The following TLN2 variants were observed in gnomAD, a reference collection of about 807,000 sequenced individuals.
TLN2 encodes the protein talin-2.
Under a neutral mutation model 294.7 loss-of-function variants are expected in TLN2, and 118 were observed. The ratio of observed to expected loss-of-function variants is 0.40; its 90% CI spans 0.34 to 0.47. The LOEUF is 0.47. Ranked by LOEUF, TLN2 falls within the 20% of genes least tolerant of loss-of-function variation. TLN2 has a pLI of 0.84. For missense variants in TLN2, 3,083 were observed against 3,282.2 expected (o/e 0.94, Z 1.48); for synonymous variants, 1,431 against 1,304.5 (o/e 1.10, Z -2.09).
At chr15:62,407,822 T>G (rs938442893) in intron 1 of TLN2, among the ~76,000 whole-genome samples, 5 of 151,770 alleles carry the variant, frequency 3.3e-5, no homozygotes, top group African/African-American at 1.2e-4. Flanking sequence ...GGCTGAGGCA[T>G]GAGAATCGCT....
chr15:62,581,253 T>C (rs1253271191), intron 1 of TLN2, among the ~76,000 whole-genome samples: 1 of 152,218 alleles, frequency 6.6e-6, no homozygotes, highest in Non-Finnish European at 1.5e-5. Flanking sequence ...TTGTATAGTA[T>C]GTAGCCTTTT....
intron 28 of TLN2, among the ~76,000 whole-genome samples, chr15:62,735,190 T>C (rs2140953089): frequency 6.6e-6 from 1 of 152,344 alleles, no homozygotes; most frequent in East Asian, 1.9e-4. Flanking sequence ...GCACCAGGCT[T>C]CATCTGTGAA....
At chr15:62,568,175 TC>T in intron 1 of TLN2, among the ~76,000 whole-genome samples, 1 of 151,938 alleles carries the variant, frequency 6.6e-6, no homozygotes, top group South Asian at 2.1e-4. Flanking sequence ...ATGGTCCTTG[TC>T]CCAGTGTGGC....
chr15:62,611,519 T>C (rs1345099403), intron 2 of TLN2, among the ~76,000 whole-genome samples: 1 of 152,196 alleles, frequency 6.6e-6, no homozygotes, highest in African/African-American at 2.4e-5. Flanking sequence ...CTGGTGAACA[T>C]TTGGGGACTT....
intron 57 of TLN2, among the ~76,000 whole-genome samples, chr15:62,837,609 T>A (rs1337765887): frequency 6.6e-6 from 1 of 152,222 alleles, no homozygotes; most frequent in East Asian, 1.9e-4. Context: ...CCCTTATAAA[T>A]GACTCAGGAG....
intron 38 of TLN2, among the ~76,000 whole-genome samples, 171 bp from the exon 39 acceptor site, chr15:62,762,101 G>C (rs764038205): frequency 6.6e-6 from 1 of 152,208 alleles, no homozygotes; most frequent in Admixed American, 6.5e-5. Flanking sequence ...ACATGGGCTT[G>C]AGTCCCCGCC....
intron 1 of TLN2, among the ~76,000 whole-genome samples, chr15:62,530,720 A>G (rs1177240571): frequency 6.6e-6 from 1 of 152,232 alleles, no homozygotes; most frequent in African/African-American, 2.4e-5. Context: ...AAAAGATGTA[A>G]GAGAAGTTCT....
chr15:62,827,957 T>C (rs1048568), intron 54 of TLN2: 107,086 of 152,130 alleles, frequency 0.7, 39,312 homozygotes, highest in Non-Finnish European at 0.82. Context: ...AAAAGAAACA[T>C]GAGGAAAGGC....
intron 11 of TLN2, among the ~76,000 whole-genome samples, chr15:62,682,724 C>G (rs910173018): frequency 2.6e-5 from 4 of 152,114 alleles, no homozygotes; most frequent in Admixed American, 6.6e-5. Context: ...TCATCATGAT[C>G]TGCTACACCA....
Position 62,820,477 on chromosome 15 carries a change from T to C in TLN2, c.6878-9T>C. ...TATGAAGAATCACCTTCTTTTGGAC[T>C]GATTCTAGGAACAGAGTGGGTGGAT... On this transcript the variant is annotated splice_polypyrimidine_tract_variant and intron_variant, in intron 53 of 58. Transcript: ENST00000636159. The C allele has an allele frequency of 6.2e-7, 1 of 1,613,462 alleles. No homozygotes were observed. The highest frequency in any genetic ancestry group is 8.5e-7 in the Non-Finnish European group (1 of 1,179,654).
At chr15:62,456,783 G>T (rs2036507265) in intron 1 of TLN2, among the ~76,000 whole-genome samples, 1 of 152,152 alleles carries the variant, frequency 6.6e-6, no homozygotes, top group Non-Finnish European at 1.5e-5. Context: ...GGCCATTTCT[G>T]TTTCCTGGGG....
chr15:62,668,212 G>A (rs2054956162), intron 9 of TLN2, among the ~76,000 whole-genome samples: 1 of 152,016 alleles, frequency 6.6e-6, no homozygotes, highest in Non-Finnish European at 1.5e-5. Flanking sequence ...ATTTTACAAA[G>A]GAAATTTACA....
intron 33 of TLN2, among the ~76,000 whole-genome samples, chr15:62,749,826 C>T (rs754185284): frequency 6.6e-6 from 1 of 152,100 alleles, no homozygotes; most frequent in Non-Finnish European, 1.5e-5. Flanking sequence ...AGAGCCAGGC[C>T]CTATACCCAT....
chr15:62,462,815 C>T (rs1037602228), intron 1 of TLN2, among the ~76,000 whole-genome samples: 4 of 152,144 alleles, frequency 2.6e-5, no homozygotes, highest in African/African-American at 7.2e-5. Flanking sequence ...GGCCATTTCT[C>T]TTTCCCTCGT....
At chr15:62,398,829 C>T (rs1595719231) in intron 1 of TLN2, among the ~76,000 whole-genome samples, 1 of 152,254 alleles carries the variant, frequency 6.6e-6, no homozygotes, top group East Asian at 1.9e-4. Flanking sequence ...AGATTTGTAG[C>T]CTGACGCAGT....
chr15:62,638,785 T>C (rs1326634326), intron 3 of TLN2, among the ~76,000 whole-genome samples: 2 of 152,228 alleles, frequency 1.3e-5, no homozygotes, highest in Non-Finnish European at 2.9e-5. Flanking sequence ...AGGTACTTTA[T>C]TGTGAGCAAT....
chr15:62,441,910 C>T (rs2035564786), intron 1 of TLN2, among the ~76,000 whole-genome samples: 1 of 152,172 alleles, frequency 6.6e-6, no homozygotes, highest in South Asian at 2.1e-4. Flanking sequence ...GGAAGCTTCA[C>T]ACCCCTTCCC....
At chr15:62,732,316 G>C (rs778673523) in intron 28 of TLN2, among the ~76,000 whole-genome samples, 3 of 152,172 alleles carry the variant, frequency 2.0e-5, no homozygotes, top group Non-Finnish European at 4.4e-5. Flanking sequence ...AAACAGCCTA[G>C]AAGTAGCCCC....
Position 62,531,260 on chromosome 15 carries a change from C to A in TLN2, c.-237-58427C>A, listed in dbSNP as rs1274667464. Among the ~76,000 whole-genome samples the A allele has an allele frequency of 2.0e-5, 3 of 152,164 alleles. No homozygotes were observed. The East Asian group carries it at 5.8e-4, about 29-fold the overall frequency. On this transcript the variant is annotated intron_variant, in intron 1 of 58. Transcript: ENST00000636159. ...ATTCAGCCTTAAAAAAGAAATTTGT[C>A]ATTTGCAGCAACTTGGGTAGAATTG...
Sources: gnomAD v4.1 joint callset for allele counts (sites outside exome capture counted in the v4.1 genomes callset) on GRCh38, gnomAD v4.1.1 for gene constraint, MANE v1.5 for transcripts, NCBI Gene and HGNC (gene_info 2026-07-23, HGNC 2026-07-21) for gene names.